IGF2R: variants seen among roughly 807,000 people sequenced by gnomAD.
IGF2R encodes cation-independent mannose-6-phosphate receptor.
A neutral mutation model predicts 270.6 loss-of-function variants in IGF2R; 91 were observed. The observed-to-expected ratio is 0.34, with a 90% CI of 0.28 to 0.40. The LOEUF is 0.40. Among genes scored for constraint, IGF2R ranks in the 10% least tolerant of loss-of-function variants. The pLI is 1.00. For missense variants in IGF2R, 2,805 were observed against 3,188.3 expected (o/e 0.88, Z 2.90); for synonymous variants, 1,316 against 1,258.9 (o/e 1.05, Z -0.96).
intron 1 of IGF2R, among the ~76,000 whole-genome samples, chr6:159,983,085 T>G (rs1026551787): frequency 2.0e-5 from 3 of 152,230 alleles, no homozygotes; most frequent in African/African-American, 7.2e-5. Context: ...TTTTTCATTT[T>G]TGGACAGACA....
chr6:159,985,296 C>T (rs763232670), intron 1 of IGF2R, among the ~76,000 whole-genome samples: 12 of 152,152 alleles, frequency 7.9e-5, no homozygotes, highest in Admixed American at 2.6e-4. Flanking sequence ...TAAATGAAGC[C>T]GTTTACCTAA....
chr6:160,062,548 A>C lies in IGF2R; in HGVS notation c.3599A>C (p.Gln1200Pro), dbSNP rs777040479. Residue 1200 changes from glutamine to proline, a missense_variant, in exon 26 of 48, where the codon CAG becomes CCG. Physicochemically the swap from Gln to Pro is moderately conservative, Grantham distance 76. Around this residue, in one of 2 missense-constraint regions of IGF2R, gnomAD observed 1,851 missense variants for 2,207.2 expected, o/e 0.84. Coordinates refer to ENST00000356956, the MANE Select transcript of IGF2R (RefSeq NM_000876.4). ...CAQISGSPAF[Q>P]LQDGCEYVFI... ...ATATTACAGGGCTCACCAGCATTTC[A>C]GCTTCAGGATGGTTGTGAGTACGTG... 2 of 1,613,414 alleles carry C rather than the reference A, an allele frequency of 1.2e-6. No homozygotes were observed.
At chr6:160,010,529 A>G (rs550914115) in intron 3 of IGF2R, 158 bp from the exon 4 acceptor site, 89 of 530,018 alleles carry the variant, frequency 1.7e-4, no homozygotes, top group Middle Eastern at 5.1e-4. Context: ...AGATTTGGGA[A>G]CCTCTTGATG....
chr6:160,010,283 G>C (rs1784312601), intron 3 of IGF2R: 1 of 164,718 alleles, frequency 6.1e-6, no homozygotes, highest in Admixed American at 6.0e-5. Context: ...AACTTGGTCA[G>C]ATGCAGATGG....
intron 47 of IGF2R, 56 bp from the exon 48 acceptor site, chr6:160,104,618 A>G: frequency 6.4e-7 from 1 of 1,551,702 alleles, no homozygotes; most frequent in African/African-American, 1.4e-5. Context: ...TGGATGGTGG[A>G]GCAGAATGGG....
At chr6:159,999,605 A>G (rs1454023355) in intron 2 of IGF2R, among the ~76,000 whole-genome samples, 2 of 152,200 alleles carry the variant, frequency 1.3e-5, no homozygotes, top group Non-Finnish European at 2.9e-5. Flanking sequence ...GAAAGGAAAA[A>G]ATGTGAACCT....
chr6:160,012,699 A>G (rs1784352767), intron 4 of IGF2R, among the ~76,000 whole-genome samples: 2 of 151,132 alleles, frequency 1.3e-5, no homozygotes, highest in South Asian at 4.2e-4. Context: ...GTGGGGACAC[A>G]CAGTCATCCT....
At chr6:160,077,622 C>T (rs1442664436) in intron 36 of IGF2R, among the ~76,000 whole-genome samples, 1 of 152,204 alleles carries the variant, frequency 6.6e-6, no homozygotes, top group Non-Finnish European at 1.5e-5. Flanking sequence ...TTTTCTTCCC[C>T]AGCAGTTTTC....
intron 20 of IGF2R, 84 bp downstream of exon 20, chr6:160,056,609 C>A: frequency 1.1e-6 from 1 of 869,832 alleles, no homozygotes; most frequent in Non-Finnish European, 2.0e-6. Flanking sequence ...TCTGAACCGA[C>A]CCCTGCCCCT....
At chr6:159,989,325 C>T (rs1783941344) in intron 1 of IGF2R, among the ~76,000 whole-genome samples, 1 of 152,054 alleles carries the variant, frequency 6.6e-6, no homozygotes, top group Admixed American at 6.5e-5. Flanking sequence ...GTGGGGGGGC[C>T]TGGTGGTTGG....
intron 36 of IGF2R, 39 bp downstream of exon 36, chr6:160,076,035 G>A (rs766860920): frequency 4.4e-6 from 7 of 1,601,822 alleles, no homozygotes; most frequent in South Asian, 1.1e-5. Flanking sequence ...GCTCAACTGC[G>A]GGTTAGTGAG....
chr6:160,011,228 T>C (rs1784328422), intron 4 of IGF2R, among the ~76,000 whole-genome samples: 4 of 152,228 alleles, frequency 2.6e-5, no homozygotes, highest in Admixed American at 2.6e-4. Flanking sequence ...CTGTTTGCAT[T>C]GTTAAATCTC....
chr6:160,022,198 G>A (rs1470197004), intron 4 of IGF2R, among the ~76,000 whole-genome samples: 2 of 152,156 alleles, frequency 1.3e-5, no homozygotes, highest in African/African-American at 4.8e-5. Context: ...ACATACACAT[G>A]GACATAGAGA....
intron 1 of IGF2R, among the ~76,000 whole-genome samples, chr6:159,974,795 A>G (rs936204786): frequency 6.6e-6 from 1 of 152,136 alleles, no homozygotes; most frequent in African/African-American, 2.4e-5. Context: ...ATCACATCCA[A>G]TTGAGAACCA....
At chr6:159,987,272 T>G (rs1783902462) in intron 1 of IGF2R, among the ~76,000 whole-genome samples, 1 of 152,374 alleles carries the variant, frequency 6.6e-6, no homozygotes, top group South Asian at 2.1e-4. Flanking sequence ...TAGTGATAGT[T>G]TAACCAGGGT....
chr6:160,022,430 G>T (rs1562346556), intron 4 of IGF2R, among the ~76,000 whole-genome samples: 3 of 152,082 alleles, frequency 2.0e-5, no homozygotes, highest in Non-Finnish European at 2.9e-5. Flanking sequence ...TAAAGCTCAG[G>T]GTCTTGCCAA....
intron 47 of IGF2R, among the ~76,000 whole-genome samples, 197 bp from the exon 48 acceptor site, chr6:160,104,477 G>A (rs1396835364): frequency 1.3e-5 from 2 of 152,000 alleles, no homozygotes. Context: ...CCTTGGTGCA[G>A]TCTCATTAGG....
chr6:160,060,804 GTA>G (rs1169601630), intron 23 of IGF2R, 87 bp downstream of exon 23: 1 of 1,296,022 alleles, frequency 7.7e-7, no homozygotes, highest in Non-Finnish European at 1.1e-6. Flanking sequence ...CTGTGTGTAT[GTA>G]TATTTGTGTG....
Position 160,000,352 on chromosome 6 carries a change from G to A in IGF2R, c.290-8658G>A, listed in dbSNP as rs184103707. ...CATGGTGACAGGAGAGGAGTGGGGC[G>A]GTGCTACACACTTTCAAACAAGCAC... On this transcript the variant is annotated intron_variant, in intron 2 of 47. Transcript: ENST00000356956. Among the ~76,000 whole-genome samples, 117 of 152,118 alleles carry A rather than the reference G, an allele frequency of 7.7e-4. 3 individuals carry two copies. The Middle Eastern group carries it at 0.027, about 35-fold the overall frequency.
Sources: allele counts gnomAD v4.1 joint callset (sites outside exome capture counted in the v4.1 genomes callset), GRCh38; gene constraint gnomAD v4.1.1; regional missense constraint gnomAD v4.1.1; transcripts MANE v1.5; gene names NCBI Gene and HGNC (gene_info 2026-07-23, HGNC 2026-07-21).